Variants in SH3BGR observed in about 807,000 individuals in gnomAD.
SH3BGR encodes the protein SH3 domain binding glutamate rich protein.
SH3BGR carries 29 observed loss-of-function variants against 24.5 expected under a neutral mutation model. The ratio of observed to expected loss-of-function variants is 1.18; its 90% confidence interval spans 0.88 to 1.61. The LOEUF (loss-of-function observed/expected upper bound fraction) is 1.61, where lower values mean the gene tolerates loss of function less well. Ranked by LOEUF, SH3BGR falls within the 40% of genes most tolerant of loss-of-function variation. The pLI is 0.00. For synonymous variants in SH3BGR, 55 were observed against 65.7 expected (o/e 0.84, Z 0.79); for missense variants, 162 against 205.8 (o/e 0.79, Z 1.30).
At chr21:39,446,223 A>G (rs1010422646) in intron 1 of SH3BGR, 11 of 151,082 alleles carry the variant, frequency 7.3e-5, no homozygotes, top group South Asian at 6.3e-4. Context: ...CATGTTTGGC[A>G]TAGAGAATTT....
At chr21:39,496,797 A>G (rs565696713) in intron 3 of SH3BGR, among the ~76,000 whole-genome samples, 2 of 152,258 alleles carry the variant, frequency 1.3e-5, no homozygotes, top group South Asian at 4.1e-4. Flanking sequence ...TGAAGAACAT[A>G]GTTTAATTTT....
At chr21:39,447,147 T>C (rs1391022911), upstream of SH3BGR, 3 of 152,180 alleles carry the variant, frequency 2.0e-5, no homozygotes, top group Non-Finnish European at 2.9e-5. Context: ...CATCTCCAGG[T>C]AGGCAAACAT....
At chr21:39,477,149 A>T (rs774662966) in intron 3 of SH3BGR, among the ~76,000 whole-genome samples, 3 of 152,136 alleles carry the variant, frequency 2.0e-5, no homozygotes, top group Non-Finnish European at 4.4e-5. Context: ...ACACTGATGT[A>T]TCATAATTGA....
chr21:39,510,092 G>A (rs2078651665), intron 5 of SH3BGR, among the ~76,000 whole-genome samples: 1 of 145,438 alleles, frequency 6.9e-6, no homozygotes, highest in African/African-American at 2.7e-5. Context: ...ACAGGCGCCC[G>A]CCACCGCGCC....
At chr21:39,478,066 T>C (rs1218100778) in intron 3 of SH3BGR, among the ~76,000 whole-genome samples, 1 of 152,230 alleles carries the variant, frequency 6.6e-6, no homozygotes, top group Non-Finnish European at 1.5e-5. Context: ...ATAGTCACTA[T>C]CTTGTAAAAT....
intron 3 of SH3BGR, among the ~76,000 whole-genome samples, chr21:39,490,850 A>C (rs1176305252): frequency 6.6e-6 from 1 of 151,720 alleles, no homozygotes; most frequent in Non-Finnish European, 1.5e-5. Flanking sequence ...CCCCTGCCTC[A>C]GCCACCTGAG....
chr21:39,455,121 A>G (rs1294528327), intron 1 of SH3BGR, among the ~76,000 whole-genome samples: 1 of 152,242 alleles, frequency 6.6e-6, no homozygotes, highest in East Asian at 1.9e-4. Flanking sequence ...GTACAAGACA[A>G]TAAACGAGAG....
intron 3 of SH3BGR, among the ~76,000 whole-genome samples, chr21:39,479,511 G>A (rs925806877): frequency 3.9e-5 from 6 of 151,964 alleles, no homozygotes; most frequent in Admixed American, 3.3e-4. Flanking sequence ...GTGATGGAAA[G>A]TGGGAGATAA....
intron 3 of SH3BGR, among the ~76,000 whole-genome samples, chr21:39,495,530 A>C (rs1425899269): frequency 6.7e-6 from 1 of 149,646 alleles, no homozygotes; most frequent in Non-Finnish European, 1.5e-5. Context: ...CCCAGGTGGG[A>C]GTGCAGTGGC....
intron 6 of SH3BGR, among the ~76,000 whole-genome samples, 162 bp from the exon 7 acceptor site, chr21:39,514,926 G>A (rs1410066040): frequency 6.6e-6 from 1 of 152,212 alleles, no homozygotes; most frequent in African/African-American, 2.4e-5. Flanking sequence ...AGTTTTCCAT[G>A]AGACAAATTC....
At chr21:39,451,886 C>G, upstream of SH3BGR, 1 of 1,611,052 alleles carries the variant, frequency 6.2e-7, no homozygotes, top group Non-Finnish European at 8.5e-7. Flanking sequence ...TATTCCTGGG[C>G]CAATGGAGGG....
upstream of SH3BGR, among the ~76,000 whole-genome samples, chr21:39,449,637 GAAT>G (rs2148438583): frequency 6.6e-6 from 1 of 152,238 alleles, no homozygotes; most frequent in South Asian, 2.1e-4. Flanking sequence ...ATTTCGAAAA[GAAT>G]AAACTTAAAA....
chr21:39,511,657 A>C lies in SH3BGR; in HGVS notation c.436-23A>C, dbSNP rs757992651. ...CTTGGCCCTTATGCTTCTTAATACT[A>C]ATGTAAGTTTTGTTAAAATAAGACG... On this transcript the variant is annotated intron_variant, in intron 5 of 6. Coordinates refer to ENST00000333634, the MANE Select transcript of SH3BGR (RefSeq NM_007341.3). The surrounding 1 kb of genome is among the most constrained non-coding windows in gnomAD (Gnocchi z 4.2). The C allele has an allele frequency of 5.9e-5, 94 of 1,606,118 alleles. No individual in the cohort carries two copies. Among genetic ancestry groups the C allele is most frequent in the Non-Finnish European group, 7.3e-5 (86 of 1,177,720 alleles).
intron 4 of SH3BGR, among the ~76,000 whole-genome samples, chr21:39,503,389 C>T (rs1477264827): frequency 2.6e-5 from 4 of 152,062 alleles, no homozygotes; most frequent in African/African-American, 9.7e-5. Flanking sequence ...AACTAGATGA[C>T]AAACCATATC....
chr21:39,446,136 G>GT (rs1349341227), intron 1 of SH3BGR: 1 of 150,940 alleles, frequency 6.6e-6, no homozygotes, highest in Non-Finnish European at 1.5e-5. Context: ...GGGAAGCACA[G>GT]TTCCCCTATT....
In SH3BGR at chr21:39,463,217, TAA is replaced by T; in HGVS notation, c.231+659_231+660del. 1.3e-5 allele frequency among the ~76,000 whole-genome samples: 2 copies of T among 152,354 alleles called. 1 individual carries two copies. On this transcript the variant is annotated intron_variant, in intron 2 of 6. Coordinates refer to ENST00000333634, the MANE Select transcript of SH3BGR (RefSeq NM_007341.3). ...CTTTTATAAAATTGATTTGTAGAAA[TAA>T]AGTCTTACTATAGATACAAGATACA...
upstream of SH3BGR, chr21:39,446,996 C>T (rs1002638085): frequency 6.6e-6 from 1 of 151,998 alleles, no homozygotes; most frequent in Non-Finnish European, 1.5e-5. Flanking sequence ...GCTTTCTCTC[C>T]ATATCACCAT....
chr21:39,449,828 G>A (rs896329878), upstream of SH3BGR, among the ~76,000 whole-genome samples: 3 of 152,122 alleles, frequency 2.0e-5, no homozygotes, highest in Non-Finnish European at 4.4e-5. Flanking sequence ...CAGTTTTAGG[G>A]TTCTTATACA....
intron 3 of SH3BGR, among the ~76,000 whole-genome samples, chr21:39,486,960 T>G (rs1005123802): frequency 7.9e-5 from 12 of 152,186 alleles, no homozygotes; most frequent in Non-Finnish European, 1.0e-4. Context: ...TCAGATAATC[T>G]GCCTGCCTTG....
Sources: gnomAD v4.1 joint callset for allele counts (sites outside exome capture counted in the v4.1 genomes callset) on GRCh38, gnomAD v4.1.1 for gene constraint, Gnocchi (gnomAD v3.1) non-coding constraint, MANE v1.5 for transcripts, NCBI Gene and HGNC (gene_info 2026-07-23, HGNC 2026-07-21) for gene names.